The following USP12 variants were observed in gnomAD, a reference collection of about 807,000 sequenced individuals.
USP12 encodes ubiquitin specific peptidase 12, also known as ubiquitin carboxyl-terminal hydrolase 12.
USP12 carries 19 observed loss-of-function variants against 45.5 expected under a neutral mutation model. The ratio of observed to expected loss-of-function variants is 0.42; its 90% CI spans 0.29 to 0.61. USP12 has a LOEUF of 0.61. Among genes scored for constraint, USP12 ranks in the 20% least tolerant of loss-of-function variants. The probability of loss-of-function intolerance (pLI) is 0.22; values close to 1 mark genes in which losing one functional copy is unlikely to be tolerated. For missense variants in USP12, 242 were observed against 447.7 expected (o/e 0.54, Z 4.15); for synonymous variants, 149 against 148.8 (o/e 1.00, Z -0.01).
rs530738417 is a variant in USP12 at position 27,137,314 on chromosome 13, T to C, written c.49-20718A>G. 5.3e-5 allele frequency among the ~76,000 whole-genome samples: 8 copies of C among 152,294 alleles called. No homozygotes were observed. The East Asian group carries it at 1.5e-3, about 29-fold the overall frequency. ...AGAGATAGGTCATGATTATACATGA[T>C]AGATGTCATAATAAATCAGCCATCT... On this transcript the variant is annotated intron_variant, in intron 1 of 8. Transcript: ENST00000282344.
At chr13:27,159,818 A>G (rs1282348623) in intron 1 of USP12, among the ~76,000 whole-genome samples, 3 of 152,238 alleles carry the variant, frequency 2.0e-5, no homozygotes, top group Non-Finnish European at 4.4e-5. Context: ...GACCTAAGTC[A>G]TCATTAACAT....
At chr13:27,085,983 T>C (rs546284893) in intron 6 of USP12, among the ~76,000 whole-genome samples, 5 of 151,636 alleles carry the variant, frequency 3.3e-5, no homozygotes, top group East Asian at 1.9e-4. Flanking sequence ...CTAGGCAACA[T>C]AGCAAGAGCC....
chr13:27,155,354 C>A (rs189159636), intron 1 of USP12, among the ~76,000 whole-genome samples: 2 of 152,024 alleles, frequency 1.3e-5, no homozygotes, highest in South Asian at 4.1e-4. Flanking sequence ...GTGCTGGGAT[C>A]ACAGGTGTGA....
rs1345883134 is a variant in USP12, at chr13:27,071,139, G to T, written c.943C>A (p.Arg315=). The part of the protein sequence containing the change: ...VVVHCGSGPN[R]GHYIAIVKSH... The stretch of plus-strand genomic sequence containing the variant: ...TTAACTATTGCAATATAATGGCCTC[G>T]ATTGGGACCACTAAAACAAACGAAG... Residue 315 remains arginine (R), a synonymous_variant, in exon 8 of 9, where the codon CGA becomes AGA. Coordinates refer to ENST00000282344, the MANE Select transcript of USP12 (RefSeq NM_182488.4). 6.2e-7 allele frequency: 1 copy of T among 1,602,698 alleles called. No individual in the cohort carries two copies. The highest frequency in any genetic ancestry group is 8.5e-7 in the Non-Finnish European group (1 of 1,176,112).
chr13:27,163,037 T>C (rs1033389393), intron 1 of USP12: 2 of 152,204 alleles, frequency 1.3e-5, no homozygotes, highest in African/African-American at 2.4e-5. Flanking sequence ...AACAACCCAC[T>C]GAACTGTCCT....
intron 1 of USP12, among the ~76,000 whole-genome samples, chr13:27,126,607 C>A (rs1876249552): frequency 6.6e-6 from 1 of 152,120 alleles, no homozygotes; most frequent in Non-Finnish European, 1.5e-5. Flanking sequence ...GCATTCGTGT[C>A]CCCATTCTAA....
At chr13:27,095,535 C>G in intron 4 of USP12, 66 bp downstream of exon 4, 1 of 1,175,380 alleles carries the variant, frequency 8.5e-7, no homozygotes, top group Non-Finnish European at 1.2e-6. Flanking sequence ...TTCTGTCTTT[C>G]TCAAAGAACA....
chr13:27,119,521 T>G (rs1875886562), intron 1 of USP12, among the ~76,000 whole-genome samples: 1 of 152,224 alleles, frequency 6.6e-6, no homozygotes, highest in South Asian at 2.1e-4. Context: ...AGTTCCAAAT[T>G]TATCTGTTGG....
At chr13:27,070,867 C>A (rs1332956988) in intron 8 of USP12, among the ~76,000 whole-genome samples, 2 of 152,076 alleles carry the variant, frequency 1.3e-5, no homozygotes, top group Non-Finnish European at 2.9e-5. Flanking sequence ...TTGTTTTATT[C>A]TAGGTGTGTA....
At chr13:27,132,188 C>T (rs1482022110) in intron 1 of USP12, among the ~76,000 whole-genome samples, 1 of 152,164 alleles carries the variant, frequency 6.6e-6, no homozygotes, top group Non-Finnish European at 1.5e-5. Context: ...TTTACATTAG[C>T]TTCTATAATT....
Position 27,090,170 on chromosome 13 carries a change from G to A in USP12, c.574-12C>T. 1 of 1,567,594 alleles carries A rather than the reference G, an allele frequency of 6.4e-7. No individual in the cohort carries two copies. The highest frequency in any genetic ancestry group is 8.7e-7 in the Non-Finnish European group (1 of 1,148,646). On this transcript the variant is annotated splice_polypyrimidine_tract_variant and intron_variant, in intron 4 of 8. Transcript: ENST00000282344. Reference sequence around the variant, plus strand: ...TCTTTGCTGCTTATCTGTAAAAACAGTGAATTGTCTTTGATTTTTTCAAAT... The same window carrying A: ...TCTTTGCTGCTTATCTGTAAAAACAATGAATTGTCTTTGATTTTTTCAAAT...
At chr13:27,106,533 T>A (rs1396267892) in intron 2 of USP12, among the ~76,000 whole-genome samples, 5 of 152,114 alleles carry the variant, frequency 3.3e-5, no homozygotes, top group African/African-American at 1.2e-4. Flanking sequence ...CAGCTAAAAG[T>A]CAGTCATGAA....
Position 27,165,055 on chromosome 13 carries a change from C to CT in USP12, c.48+6536dup, listed in dbSNP as rs35532017. Reference sequence around the variant, plus strand: ...CTAGTAATGACAAAAAGCTGGTGTGCTTTTTTTTTTTTTTAGTATAAAATA... The same window carrying CT: ...CTAGTAATGACAAAAAGCTGGTGTGCTTTTTTTTTTTTTTTAGTATAAAATA... On this transcript the variant is annotated intron_variant, in intron 1 of 8. Coordinates refer to ENST00000282344, the MANE Select transcript of USP12 (RefSeq NM_182488.4). Among the ~76,000 whole-genome samples the CT allele has an allele frequency of 1.3e-3, 196 of 145,536 alleles. 2 individuals are homozygous for CT. Among genetic ancestry groups the CT allele is most frequent in the African/African-American group, 2.9e-3 (115 of 39,788 alleles).
At chr13:27,106,222 A>G (rs1222299744) in intron 2 of USP12, among the ~76,000 whole-genome samples, 1 of 152,174 alleles carries the variant, frequency 6.6e-6, no homozygotes, top group Non-Finnish European at 1.5e-5. Context: ...GTTACATGAA[A>G]AAGTCACCAG....
intron 1 of USP12, among the ~76,000 whole-genome samples, chr13:27,138,030 G>C (rs1158865385): frequency 6.6e-6 from 1 of 152,244 alleles, no homozygotes; most frequent in East Asian, 1.9e-4. Context: ...CACCCTAAGT[G>C]AGCTTGAAAG....
Position 27,171,575 on chromosome 13 carries a change from C to A in USP12, c.48+17G>T. 1 of 1,252,456 alleles carries A rather than the reference C, an allele frequency of 8.0e-7. No homozygotes were observed. The highest frequency in any genetic ancestry group is 3.6e-4 in the Middle Eastern group (1 of 2,760). 77.6% of individuals were successfully genotyped at this position (1,252,456 alleles called of 1,614,324 possible). A position where few individuals can be genotyped will look rare whatever the true frequency, so the allele number is the denominator to read the frequency against. ...AGAGGTCCCGGCAGCCCCGGCCGCC[C>A]GCTCGCCGCCACCTACCATGGTACA... On this transcript the variant is annotated intron_variant, in intron 1 of 8. Transcript: ENST00000282344.
intron 1 of USP12, among the ~76,000 whole-genome samples, chr13:27,136,449 G>A (rs1876809737): frequency 6.6e-6 from 1 of 152,152 alleles, no homozygotes; most frequent in African/African-American, 2.4e-5. Context: ...AGGGAACCAA[G>A]ATCATGCCAC....
rs527310674 is a variant in USP12 at position 27,124,239 on chromosome 13, G to A, written c.49-7643C>T. On this transcript the variant is annotated intron_variant, in intron 1 of 8. Coordinates refer to ENST00000282344, the MANE Select transcript of USP12 (RefSeq NM_182488.4). Reference sequence around the variant, plus strand: ...GTTTTCAAGAAAACAATTCAATCTGGAATTAATGTAATTCCTTAACTTAAA... The same window carrying A: ...GTTTTCAAGAAAACAATTCAATCTGAAATTAATGTAATTCCTTAACTTAAA... Among the ~76,000 whole-genome samples, 4 of 152,210 alleles carry A rather than the reference G, an allele frequency of 2.6e-5. No individual in the cohort carries two copies. In the South Asian group the frequency reaches 8.3e-4, roughly 32 times the overall value.
intron 2 of USP12, among the ~76,000 whole-genome samples, chr13:27,114,719 T>C (rs1298215182): frequency 6.6e-6 from 1 of 152,070 alleles, no homozygotes; most frequent in Non-Finnish European, 1.5e-5. Context: ...AACTACTCTG[T>C]TTAATTTTCT....
Sources: allele counts gnomAD v4.1 joint callset (sites outside exome capture counted in the v4.1 genomes callset), GRCh38; gene constraint gnomAD v4.1.1; transcripts MANE v1.5; gene names NCBI Gene and HGNC (gene_info 2026-07-23, HGNC 2026-07-21).